Variants in SGCZ observed in about 807,000 individuals in gnomAD.
SGCZ encodes the protein sarcoglycan zeta, also known as zeta-sarcoglycan.
In SGCZ, 40 loss-of-function variants were observed where a neutral mutation model predicts 41.3. The ratio of observed to expected loss-of-function variants is 0.97; its 90% CI spans 0.75 to 1.26. The LOEUF (loss-of-function observed/expected upper bound fraction) is 1.26, where lower values mean the gene tolerates loss of function less well. Among genes scored for constraint, SGCZ ranks in the 50% most tolerant of loss-of-function variants. The pLI is 0.00. For synonymous variants in SGCZ, 206 were observed against 137.5 expected, an observed-to-expected ratio of 1.50 and a Z score of -3.49; for missense variants, 552 against 369.8, an observed-to-expected ratio of 1.49 and a Z score of -4.04.
At chr8:14,900,448 C>A (rs772754709) in intron 1 of SGCZ, among the ~76,000 whole-genome samples, 5 of 152,118 alleles carry the variant, frequency 3.3e-5, no homozygotes, top group Non-Finnish European at 7.3e-5. Context: ...TATTCTGTAA[C>A]CTGTATGGCA....
intron 1 of SGCZ, among the ~76,000 whole-genome samples, chr8:14,999,250 A>G (rs1004341125): frequency 1.4e-4 from 21 of 152,232 alleles, no homozygotes; most frequent in Admixed American, 9.2e-4. Context: ...AAACAAGGTC[A>G]AGCTATCTTC....
intron 1 of SGCZ, among the ~76,000 whole-genome samples, chr8:14,923,066 GT>G (rs752456945): frequency 6.6e-6 from 1 of 152,130 alleles, no homozygotes; most frequent in Non-Finnish European, 1.5e-5. Context: ...AATTACATGT[GT>G]TTTCCTAAAC....
At chr8:14,381,244 A>G (rs951596349) in intron 2 of SGCZ, among the ~76,000 whole-genome samples, 22 of 152,248 alleles carry the variant, frequency 1.4e-4, no homozygotes, top group Non-Finnish European at 4.4e-5. Context: ...TTCTTGAACA[A>G]AGACATATAT....
At chr8:14,502,096 C>A (rs1005956023) in intron 2 of SGCZ, among the ~76,000 whole-genome samples, 1 of 152,020 alleles carries the variant, frequency 6.6e-6, no homozygotes, top group Admixed American at 6.6e-5. Flanking sequence ...GTTTACAATT[C>A]TTTGCCTTCA....
At chr8:14,551,546 TATATAA>T (rs1803846635) in intron 2 of SGCZ, among the ~76,000 whole-genome samples, 1 of 9,252 alleles carries the variant, frequency 1.1e-4, no homozygotes, top group Non-Finnish European at 1.9e-4. Context: ...ATATATAATA[TATATAA>T]TATATATTAT....
intron 2 of SGCZ, among the ~76,000 whole-genome samples, chr8:14,381,884 T>C (rs902623486): frequency 1.6e-4 from 25 of 152,186 alleles, no homozygotes; most frequent in African/African-American, 5.8e-4. Flanking sequence ...CATCTTTCCC[T>C]CAAAGATGCT....
At chr8:14,361,249 G>T (rs549264935) in intron 2 of SGCZ, among the ~76,000 whole-genome samples, 9 of 152,128 alleles carry the variant, frequency 5.9e-5, no homozygotes, top group South Asian at 2.1e-4. Flanking sequence ...GGTTGGTAAA[G>T]TTCTCCTGGA....
chr8:15,082,031 C>A (rs1313297204), intron 1 of SGCZ, among the ~76,000 whole-genome samples: 1 of 152,044 alleles, frequency 6.6e-6, no homozygotes, highest in Non-Finnish European at 1.5e-5. Context: ...AGAACTGCGA[C>A]CAACCTGGCC....
chr8:14,508,665 C>T (rs898829), intron 2 of SGCZ, among the ~76,000 whole-genome samples: 152,153 of 152,292 alleles, frequency 1, 76,007 homozygotes, highest in Non-Finnish European at 1. Context: ...TTGAGAAGCA[C>T]GATATGAAAT....
intron 2 of SGCZ, among the ~76,000 whole-genome samples, chr8:14,508,263 A>G (rs1014881694): frequency 7.2e-5 from 11 of 152,272 alleles, no homozygotes; most frequent in African/African-American, 2.4e-4. Context: ...TCCCTGTTCT[A>G]TGCCCAGCAT....
chr8:15,063,520 C>T (rs945446887), intron 1 of SGCZ, among the ~76,000 whole-genome samples: 8 of 152,008 alleles, frequency 5.3e-5, no homozygotes, highest in Admixed American at 2.0e-4. Flanking sequence ...AAAGGATGGC[C>T]CAACTTATTC....
intron 1 of SGCZ, among the ~76,000 whole-genome samples, chr8:14,898,230 G>A (rs1805275919): frequency 6.6e-6 from 1 of 152,146 alleles, no homozygotes. Flanking sequence ...AACTACAGGT[G>A]TGAGCCACCA....
At chr8:15,043,479 G>A (rs1452481402) in intron 1 of SGCZ, among the ~76,000 whole-genome samples, 1 of 151,952 alleles carries the variant, frequency 6.6e-6, no homozygotes, top group African/African-American at 2.4e-5. Flanking sequence ...ATATACTTAA[G>A]TAAATCATAT....
At chr8:14,827,791 C>T (rs1049363444) in intron 1 of SGCZ, among the ~76,000 whole-genome samples, 6 of 152,028 alleles carry the variant, frequency 3.9e-5, no homozygotes, top group African/African-American at 1.4e-4. Flanking sequence ...TAAAGTAATA[C>T]AGTTGTTAAT....
intron 3 of SGCZ, among the ~76,000 whole-genome samples, chr8:14,244,415 C>A (rs1799008648): frequency 1.3e-5 from 2 of 152,144 alleles, no homozygotes; most frequent in Non-Finnish European, 2.9e-5. Flanking sequence ...TAATACTTGA[C>A]CCACTGAAGC....
At chr8:14,878,347 G>A (rs1198009317) in intron 1 of SGCZ, among the ~76,000 whole-genome samples, 2 of 151,348 alleles carry the variant, frequency 1.3e-5, no homozygotes, top group Admixed American at 6.6e-5. Flanking sequence ...ACATTTTGCA[G>A]ATATATTATG....
intron 1 of SGCZ, among the ~76,000 whole-genome samples, chr8:14,741,786 T>C (rs964625095): frequency 6.6e-6 from 1 of 152,024 alleles, no homozygotes; most frequent in Non-Finnish European, 1.5e-5. Context: ...AAATTCAAAG[T>C]ATTGCAAGAA....
intron 5 of SGCZ, among the ~76,000 whole-genome samples, chr8:14,117,154 C>G (rs958394765): frequency 2.6e-4 from 40 of 152,102 alleles, no homozygotes; most frequent in African/African-American, 9.4e-4. Flanking sequence ...GGTGTTTGTC[C>G]TCTGACCTAC....
In SGCZ at chr8:14,239,162, A is replaced by G. The variant is rs1003975711; in HGVS notation, c.337-1483T>C. On this transcript the variant is annotated intron_variant, in intron 3 of 7. Transcript: ENST00000382080. ...CTGTTTAAAGTATAGTTCATGGACT[A>G]AAGATTGTTTGCAAACAGCTATCTT... is the stretch of plus-strand genomic sequence containing the variant. Among the ~76,000 whole-genome samples, 112 of 152,116 alleles carry G rather than the reference A, an allele frequency of 7.4e-4. 1 individual carries two copies. Among genetic ancestry groups the G allele is most frequent in the African/African-American group, 2.5e-3 (105 of 41,524 alleles).
Sources: gnomAD v4.1 joint callset for allele counts (sites outside exome capture counted in the v4.1 genomes callset) on GRCh38, gnomAD v4.1.1 for gene constraint, MANE v1.5 for transcripts, NCBI Gene and HGNC (gene_info 2026-07-23, HGNC 2026-07-21) for gene names.